The following TRIM16 variants were observed in gnomAD, a reference collection of about 807,000 sequenced individuals.
The protein encoded by TRIM16 is tripartite motif containing 16.
In TRIM16, 33 loss-of-function variants were observed where a neutral mutation model predicts 50.4. The ratio of observed to expected loss-of-function variants is 0.65; its 90% CI spans 0.50 to 0.88. The LOEUF is 0.88. TRIM16 is among the 40% of genes least tolerant of loss of function. The pLI is 0.00. For missense variants in TRIM16, 581 were observed against 686.8 expected, an observed-to-expected ratio of 0.85 and a Z score of 1.72; for synonymous variants, 229 against 270.7, an observed-to-expected ratio of 0.85 and a Z score of 1.51.
chr17:15,665,264 G>A (rs963228093), intron 6 of TRIM16, among the ~76,000 whole-genome samples: 1 of 152,166 alleles, frequency 6.6e-6, no homozygotes, highest in African/African-American at 2.4e-5. Flanking sequence ...TGTAATCCCA[G>A]CACTTTGGGA....
rs1986429429 is a variant in TRIM16, at chr17:15,631,672, C to T, written c.1058G>A (p.Arg353His). ...IRTQVSAVVQ[R>H]KYWTSKPEPS... is the part of the protein sequence containing the mutation. ...CTCAGGTTTGGAAGTCCAATATTTG[C>T]GCTGAACAACGGCAGACACTTGAGT... The change falls in exon 11 of 12, where the codon CGC (arginine) becomes CAC (histidine). Residue 353 changes from arginine to histidine, a missense_variant. Physicochemically the swap from Arg to His is conservative, Grantham distance 29. Coordinates refer to ENST00000649191, the MANE Select transcript of TRIM16 (RefSeq NM_001348119.1). The T allele has an allele frequency of 2.5e-6, 4 of 1,613,766 alleles. No individual in the cohort carries two copies. Among genetic ancestry groups the T allele is most frequent in the South Asian group, 2.2e-5 (2 of 91,072 alleles).
At chr17:15,672,655 C>T (rs1174244257) in intron 6 of TRIM16, among the ~76,000 whole-genome samples, 1 of 152,100 alleles carries the variant, frequency 6.6e-6, no homozygotes, top group Non-Finnish European at 1.5e-5. Flanking sequence ...GATCAAGGAT[C>T]CTGAGAGTTC....
In TRIM16 at chr17:15,677,566, C is replaced by T; in HGVS notation, c.-443+9G>A. 1 of 1,050,830 alleles carries T rather than the reference C, an allele frequency of 9.5e-7. No homozygotes were observed. Among genetic ancestry groups the T allele is most frequent in the Non-Finnish European group, 1.2e-6 (1 of 862,334 alleles). The allele number at this position is 1,050,830 out of a possible 1,614,324, so 65.1% of individuals were successfully genotyped here. A position where few individuals can be genotyped will look rare whatever the true frequency, so the allele number is the denominator to read the frequency against. ...AAGGTCAATCTGGGGTGGAAGGACC[C>T]AAGCTCACCCAAGGAGACCAGGTTC... On this transcript the variant is annotated intron_variant, in intron 5 of 11. Transcript: ENST00000649191.
Position 15,635,546 on chromosome 17 carries a change from A to T in TRIM16, c.849+490T>A, listed in dbSNP as rs1986692423. On this transcript the variant is annotated intron_variant, in intron 9 of 11. Coordinates refer to ENST00000649191, the MANE Select transcript of TRIM16 (RefSeq NM_001348119.1). ...CTGAAAAGCAGCAGGCTCCAGTCTC[A>T]TCCCTACCAAGCAAACCTCCATGCA... is the stretch of plus-strand genomic sequence containing the variant. Among the ~76,000 whole-genome samples, 3 of 135,786 alleles carry T rather than the reference A, an allele frequency of 2.2e-5. 1 individual carries two copies. Among genetic ancestry groups the T allele is most frequent in the African/African-American group, 8.6e-5 (3 of 35,036 alleles). 89.1% of individuals were successfully genotyped at this position (135,786 alleles called of 152,430 possible).
chr17:15,660,689 G>A (rs1043623748), intron 6 of TRIM16, among the ~76,000 whole-genome samples: 4 of 152,058 alleles, frequency 2.6e-5, no homozygotes, highest in Non-Finnish European at 4.4e-5. Flanking sequence ...ACGAGGTCAG[G>A]AGATTGAGAA....
chr17:15,643,173 G>A, intron 7 of TRIM16: 1 of 816,138 alleles, frequency 1.2e-6, no homozygotes, highest in Non-Finnish European at 1.5e-6. Flanking sequence ...CTCAGCAAAG[G>A]GCATTCCAAA....
rs140166424 is a variant in TRIM16, at chr17:15,628,818, A to G, written c.1492T>C (p.Tyr498His). The G allele has an allele frequency of 2.3e-4, 371 of 1,614,216 alleles. 1 individual carries two copies. In the African/African-American group the frequency reaches 4.5e-3, roughly 19 times the overall value. Residue 498 changes from tyrosine to histidine, a missense_variant, in exon 12 of 12, where the codon TAT (tyrosine) becomes CAT (histidine). Around this residue, in one of 3 missense-constraint regions of TRIM16, gnomAD observed 115 missense variants for 106.7 expected, o/e 1.08. Coordinates refer to ENST00000649191, the MANE Select transcript of TRIM16 (RefSeq NM_001348119.1). ...KAGPFRRLGVYIDFPGGILSF... is the reference protein window; with the variant it reads ...KAGPFRRLGVHIDFPGGILSF... Reference sequence around the variant, plus strand: ...AGGATCCCTCCCGGGAAGTCGATATAGACCCCGAGCCTCCGGAAAGGGCCA... The same window carrying G: ...AGGATCCCTCCCGGGAAGTCGATATGGACCCCGAGCCTCCGGAAAGGGCCA...
intron 8 of TRIM16, among the ~76,000 whole-genome samples, chr17:15,641,749 G>T (rs963826255): frequency 2.0e-5 from 3 of 148,036 alleles, no homozygotes; most frequent in African/African-American, 7.6e-5. Context: ...ATGCATTAGG[G>T]GTAGATGAAT....
At chr17:15,661,490 G>T (rs1988236691) in intron 6 of TRIM16, among the ~76,000 whole-genome samples, 2 of 152,076 alleles carry the variant, frequency 1.3e-5, no homozygotes, top group Admixed American at 1.3e-4. Context: ...ACTAAGCAAG[G>T]GTCTCGGATC....
At chr17:15,647,966 C>T (rs139125864) in intron 7 of TRIM16, among the ~76,000 whole-genome samples, 2,958 of 152,294 alleles carry the variant, frequency 0.019, 85 homozygotes, top group African/African-American at 0.068. Flanking sequence ...TGGCTCACGC[C>T]TGTAATCCCA....
At chr17:15,676,682 G>A (rs1988965071) in intron 6 of TRIM16, among the ~76,000 whole-genome samples, 4 of 151,926 alleles carry the variant, frequency 2.6e-5, no homozygotes, top group South Asian at 2.1e-4. Flanking sequence ...TGATCCGCCC[G>A]CCTCGGCCTC....
chr17:15,645,863 G>A (rs561258317), intron 7 of TRIM16, among the ~76,000 whole-genome samples: 2 of 152,350 alleles, frequency 1.3e-5, no homozygotes, highest in African/African-American at 4.8e-5. Flanking sequence ...TGATGCCTGG[G>A]AGTGGGGAGT....
rs937381211 is a variant in TRIM16, at chr17:15,651,249, C to T, written c.361G>A (p.Glu121Lys). ...NIKLQSHLLT[E>K]PVKDHNWRYC... ...CGCCAGTTGTGGTCCTTCACTGGCT[C>T]GGTCAGCAGGTGGCTTTGCAGTTTG... Residue 121 changes from glutamate to lysine, a missense_variant, in exon 7 of 12, where the codon GAG (glutamate) becomes AAG (lysine). Coordinates refer to ENST00000649191, the MANE Select transcript of TRIM16 (RefSeq NM_001348119.1). 1.6e-5 allele frequency: 26 copies of T among 1,614,064 alleles called. No homozygotes were observed. Among genetic ancestry groups the T allele is most frequent in the African/African-American group, 5.3e-5 (4 of 74,918 alleles).
At chr17:15,679,836 C>T (rs1989107179) in intron 4 of TRIM16, among the ~76,000 whole-genome samples, 1 of 151,484 alleles carries the variant, frequency 6.6e-6, no homozygotes, top group Non-Finnish European at 1.5e-5. Context: ...ACTCGGGAGG[C>T]TGAGGCAGGA....
In TRIM16 at chr17:15,680,858, A is replaced by G; in HGVS notation, c.-590+7T>C. ...TTTCCAAGAAGAGAGGAAAATCCCC[A>G]ACTCACCTGGGACTCTGCTGTCCGG... On this transcript the variant is annotated splice_region_variant and intron_variant, in intron 4 of 11. Transcript: ENST00000649191. 3.9e-6 allele frequency: 6 copies of G among 1,534,776 alleles called. No individual in the cohort carries two copies. The highest frequency in any genetic ancestry group is 5.2e-6 in the Non-Finnish European group (6 of 1,143,112).
intron 10 of TRIM16, 119 bp downstream of exon 10, chr17:15,632,390 A>G (rs1018564146): frequency 7.0e-7 from 1 of 1,436,582 alleles, no homozygotes; most frequent in Admixed American, 2.3e-5. Context: ...AAAAGAAAAA[A>G]AAAAGAAAAT....
rs554134817 is a variant in TRIM16 at position 15,630,207 on chromosome 17, G to A, written c.1112-1009C>T. ...GCCTTTGGTACAGCCTGTTCCCTCC[G>A]AGATGTGATCACGCCCTACTCTGAG... On this transcript the variant is annotated intron_variant, in intron 11 of 11. Coordinates refer to ENST00000649191, the MANE Select transcript of TRIM16 (RefSeq NM_001348119.1). Among the ~76,000 whole-genome samples, 15 of 152,080 alleles carry A rather than the reference G, an allele frequency of 9.9e-5. No homozygotes were observed. In the South Asian group the frequency reaches 2.7e-3, roughly 27 times the overall value.
intron 7 of TRIM16, among the ~76,000 whole-genome samples, chr17:15,646,942 C>T (rs1597624590): frequency 6.6e-6 from 1 of 151,804 alleles, no homozygotes. Context: ...GAGTCCTGGG[C>T]ATTCCCCAAA....
intron 11 of TRIM16, 106 bp downstream of exon 11, chr17:15,631,513 T>G: frequency 1.0e-6 from 1 of 994,662 alleles, no homozygotes; most frequent in Non-Finnish European, 1.5e-6. Context: ...GAGATAGATA[T>G]GAAGTTGCAA....
Sources: allele counts gnomAD v4.1 joint callset (sites outside exome capture counted in the v4.1 genomes callset), GRCh38; gene constraint gnomAD v4.1.1; regional missense constraint gnomAD v4.1.1; transcripts MANE v1.5; gene names NCBI Gene and HGNC (gene_info 2026-07-23, HGNC 2026-07-21).